The following COLEC10 variants were observed in gnomAD, a reference collection of about 807,000 sequenced individuals.
COLEC10 encodes collectin subfamily member 10.
A neutral mutation model predicts 28.4 loss-of-function variants in COLEC10; 22 were observed. The ratio of observed to expected loss-of-function variants is 0.78; its 90% CI spans 0.55 to 1.11. The LOEUF (loss-of-function observed/expected upper bound fraction) is 1.11, where lower values mean the gene tolerates loss of function less well. Among genes scored for constraint, COLEC10 ranks in the 50% least tolerant of loss-of-function variants. The probability of loss-of-function intolerance (pLI) is 0.00; values close to 1 mark genes in which losing one functional copy is unlikely to be tolerated. For missense variants in COLEC10, 361 were observed against 344.1 expected (o/e 1.05, Z -0.39); for synonymous variants, 125 against 116.1 (o/e 1.08, Z -0.49).
intron 3 of COLEC10, among the ~76,000 whole-genome samples, chr8:119,096,510 G>A (rs1489248828): frequency 6.6e-6 from 1 of 150,866 alleles, no homozygotes; most frequent in African/African-American, 2.4e-5. Context: ...AGAATCACTT[G>A]AACCAGGGAG....
upstream of COLEC10, among the ~76,000 whole-genome samples, chr8:118,991,015 C>T (rs1026646505): frequency 6.6e-6 from 1 of 151,376 alleles, no homozygotes; most frequent in Non-Finnish European, 1.5e-5. Flanking sequence ...TACTCAAAGG[C>T]AGTATTATTC....
rs545572115 is a variant in COLEC10, at chr8:119,069,932, C to G, written c.148+2503C>G. On this transcript the variant is annotated intron_variant, in intron 1 of 5. Coordinates refer to ENST00000332843, the MANE Select transcript of COLEC10 (RefSeq NM_006438.5). ...CACAGTGCTCAGAAGTTTCTAGATACTCTGGGAAACAGTGAAATGAATTTT... is the reference window on the plus strand; with the variant it reads ...CACAGTGCTCAGAAGTTTCTAGATAGTCTGGGAAACAGTGAAATGAATTTT... 2.6e-5 allele frequency among the ~76,000 whole-genome samples: 4 copies of G among 152,010 alleles called. No individual in the cohort carries two copies. In the South Asian group the frequency reaches 8.3e-4, roughly 32 times the overall value.
chr8:119,078,736 A>G (rs1346719215), intron 1 of COLEC10, among the ~76,000 whole-genome samples: 3 of 152,174 alleles, frequency 2.0e-5, no homozygotes, highest in Admixed American at 2.0e-4. Flanking sequence ...CAGTTCTCAC[A>G]GATACCTGAG....
At chr8:119,078,581 T>C (rs1446196015) in intron 1 of COLEC10, among the ~76,000 whole-genome samples, 1 of 152,138 alleles carries the variant, frequency 6.6e-6, no homozygotes, top group Non-Finnish European at 1.5e-5. Flanking sequence ...AATGGAAAAT[T>C]CCAGCAGGCA....
chr8:119,025,897 A>G (rs995287724), intron 2 of COLEC10, among the ~76,000 whole-genome samples: 1 of 152,182 alleles, frequency 6.6e-6, no homozygotes, highest in Non-Finnish European at 1.5e-5. Flanking sequence ...ACTATAACAC[A>G]GCAATTTAGT....
chr8:119,025,337 A>G (rs1814170909), intron 2 of COLEC10, among the ~76,000 whole-genome samples: 1 of 152,174 alleles, frequency 6.6e-6, no homozygotes, highest in Non-Finnish European at 1.5e-5. Flanking sequence ...CTATTACATA[A>G]CGCTTGGTAC....
chr8:119,057,384 T>C (rs1814783322), intron 2 of COLEC10, among the ~76,000 whole-genome samples: 1 of 152,120 alleles, frequency 6.6e-6, no homozygotes, highest in Non-Finnish European at 1.5e-5. Flanking sequence ...TAGGTATTTA[T>C]TTATAGCAGT....
intron 5 of COLEC10, 75 bp downstream of exon 5, chr8:119,103,970 T>C: frequency 9.8e-7 from 1 of 1,024,054 alleles, no homozygotes; most frequent in Non-Finnish European, 1.5e-6. Context: ...TACTCTTAGA[T>C]GGAAATATCT....
chr8:118,976,802 G>A, the COLEC10 span, among the ~76,000 whole-genome samples: 1 of 152,088 alleles, frequency 6.6e-6, no homozygotes, highest in Non-Finnish European at 1.5e-5. Context: ...TACCATCAGA[G>A]TGAACAGGCA....
At chr8:119,102,227 CCTCCCTCCCTCCCT>C in intron 3 of COLEC10, 107 bp from the exon 4 acceptor site, 2 of 264,692 alleles carry the variant, frequency 7.6e-6, no homozygotes, top group South Asian at 3.7e-5. Flanking sequence ...TCCCTCCCTC[CCTCCCTCCCTCCCT>C]CCTTCCTTCT....
chr8:118,980,961 A>G, the COLEC10 span, among the ~76,000 whole-genome samples: 1 of 151,454 alleles, frequency 6.6e-6, no homozygotes, highest in African/African-American at 2.4e-5. Flanking sequence ...GACCCTGAGC[A>G]TTTTTTTGTC....
intron 4 of COLEC10, among the ~76,000 whole-genome samples, chr8:119,103,584 T>C (rs1815881750): frequency 1.3e-5 from 2 of 152,228 alleles, no homozygotes; most frequent in African/African-American, 4.8e-5. Flanking sequence ...AATTGTCTTA[T>C]AGTTCATTCA....
At chr8:119,002,699 A>G (rs1242116388) in intron 1 of COLEC10, among the ~76,000 whole-genome samples, 1 of 152,152 alleles carries the variant, frequency 6.6e-6, no homozygotes, top group Non-Finnish European at 1.5e-5. Context: ...GGTCAATTAA[A>G]TTGTTTTACA....
At chr8:119,016,802 C>T (rs140009336) in intron 2 of COLEC10, among the ~76,000 whole-genome samples, 6,701 of 152,174 alleles carry the variant, frequency 0.044, 217 homozygotes, top group East Asian at 0.16. Flanking sequence ...CTGCAACTGC[C>T]GCCTCCTGGG....
the COLEC10 span, among the ~76,000 whole-genome samples, chr8:118,989,726 A>ACG: frequency 6.1e-4 from 92 of 151,316 alleles, no homozygotes; most frequent in African/African-American, 2.1e-3. Flanking sequence ...AAAAATTTGC[A>ACG]TGTGTGTGTG....
At chr8:119,045,218 G>A (rs553691213) in intron 2 of COLEC10, among the ~76,000 whole-genome samples, 1 of 152,310 alleles carries the variant, frequency 6.6e-6, no homozygotes, top group South Asian at 2.1e-4. Flanking sequence ...AAAATAAGGT[G>A]GGAACAAAGA....
chr8:118,998,116 A>C (rs993016015), intron 1 of COLEC10, among the ~76,000 whole-genome samples: 12 of 152,186 alleles, frequency 7.9e-5, no homozygotes, highest in African/African-American at 2.9e-4. Flanking sequence ...CTATAAAATA[A>C]AAATTATATT....
chr8:119,024,933 G>C (rs1419370187), intron 2 of COLEC10, among the ~76,000 whole-genome samples: 1 of 152,070 alleles, frequency 6.6e-6, no homozygotes, highest in Non-Finnish European at 1.5e-5. Context: ...TTTTAAACCA[G>C]AAGAGATCCG....
In COLEC10 at chr8:119,105,865, A is replaced by G; in HGVS notation, c.508A>G (p.Arg170Gly). The G allele has an allele frequency of 6.2e-7, 1 of 1,613,792 alleles. No individual in the cohort carries two copies. Among genetic ancestry groups the G allele is most frequent in the Non-Finnish European group, 8.5e-7 (1 of 1,179,854 alleles). Reference protein sequence around the residue: ...YYIVQEEKNYRESLTHCRIRG... With the variant: ...YYIVQEEKNYGESLTHCRIRG... Reference sequence around the variant, plus strand: ...CATCGTGCAGGAAGAGAAGAACTACAGGGAATCCCTAACCCACTGCAGGAT... The same window carrying G: ...CATCGTGCAGGAAGAGAAGAACTACGGGGAATCCCTAACCCACTGCAGGAT... The change falls in exon 6 of 6, where the codon AGG (arginine) becomes GGG (glycine). Residue 170 changes from arginine (R) to glycine (G), a missense_variant. Physicochemically the swap from Arg to Gly is moderately radical, Grantham distance 125. Coordinates refer to ENST00000332843, the MANE Select transcript of COLEC10 (RefSeq NM_006438.5).
Sources: allele counts gnomAD v4.1 joint callset (sites outside exome capture counted in the v4.1 genomes callset), GRCh38; gene constraint gnomAD v4.1.1; transcripts MANE v1.5; gene names NCBI Gene and HGNC (gene_info 2026-07-23, HGNC 2026-07-21).